The following WHRN variants were observed in gnomAD, a reference collection of about 807,000 sequenced individuals.
The protein encoded by WHRN is whirlin.
WHRN carries 41 observed loss-of-function variants against 68.3 expected under a neutral mutation model. That is an observed-to-expected ratio of 0.60 (90% CI 0.47 to 0.78). The LOEUF (loss-of-function observed/expected upper bound fraction) is 0.78. Among genes scored for constraint, WHRN ranks in the 30% least tolerant of loss-of-function variants. WHRN has a pLI of 0.00. For synonymous variants in WHRN, 560 were observed against 561.3 expected, an observed-to-expected ratio of 1.00 and a Z score of 0.03; for missense variants, 1,243 against 1,244.7, an observed-to-expected ratio of 1.00 and a Z score of 0.02.
At chr9:114,486,665 C>G (rs1451111753) in intron 1 of WHRN, among the ~76,000 whole-genome samples, 1 of 151,896 alleles carries the variant, frequency 6.6e-6, no homozygotes, top group Non-Finnish European at 1.5e-5. Context: ...ACATTAGATA[C>G]ACATGGAATT....
At chr9:114,456,443 T>A (rs1260752352) in intron 3 of WHRN, among the ~76,000 whole-genome samples, 3 of 152,164 alleles carry the variant, frequency 2.0e-5, no homozygotes, top group Admixed American at 6.5e-5. Context: ...CTGGGAAACA[T>A]TGGTTCAACC....
chr9:114,494,927 TG>T (rs35517002), intron 1 of WHRN, among the ~76,000 whole-genome samples: 58,795 of 150,738 alleles, frequency 0.39, 11,509 homozygotes, highest in Non-Finnish European at 0.42. Context: ...GCCATGACAC[TG>T]GGGGGGGGAG....
At chr9:114,493,039 C>T (rs1442276231) in intron 1 of WHRN, among the ~76,000 whole-genome samples, 1 of 151,742 alleles carries the variant, frequency 6.6e-6, no homozygotes, top group East Asian at 1.9e-4. Context: ...ACAATTAAGT[C>T]CATATATGTT....
At chr9:114,407,708 A>G (rs1835138319) in intron 8 of WHRN, among the ~76,000 whole-genome samples, 1 of 150,460 alleles carries the variant, frequency 6.6e-6, no homozygotes, top group African/African-American at 2.4e-5. Context: ...TACTGTGGCC[A>G]GCCAGCCTGA....
At chr9:114,438,973 C>T (rs969214561) in intron 3 of WHRN, among the ~76,000 whole-genome samples, 1 of 152,022 alleles carries the variant, frequency 6.6e-6, no homozygotes, top group Admixed American at 6.5e-5. Flanking sequence ...TGTGCACTGA[C>T]ATAACAGGAT....
chr9:114,405,694 G>C (rs1834976371), intron 9 of WHRN, among the ~76,000 whole-genome samples: 1 of 152,216 alleles, frequency 6.6e-6, no homozygotes, highest in South Asian at 2.1e-4. Flanking sequence ...TTGCATCTTG[G>C]TCTGTGCAGG....
At chr9:114,412,327 G>C (rs111992853) in intron 7 of WHRN, among the ~76,000 whole-genome samples, 1 of 152,158 alleles carries the variant, frequency 6.6e-6, no homozygotes, top group African/African-American at 2.4e-5. Flanking sequence ...TGCAGGAGCT[G>C]GGCCTGTTCA....
chr9:114,499,731 C>T (rs1264445522), intron 1 of WHRN, among the ~76,000 whole-genome samples: 2 of 152,354 alleles, frequency 1.3e-5, no homozygotes, highest in East Asian at 1.9e-4. Context: ...ACCGCTGGTG[C>T]GGCTGCCGGC....
intron 3 of WHRN, among the ~76,000 whole-genome samples, chr9:114,434,428 TC>T (rs59832735): frequency 0.016 from 2,452 of 152,124 alleles, 31 homozygotes; most frequent in Middle Eastern, 0.051. Flanking sequence ...AAAAATTCAC[TC>T]CCCCAGTCAC....
intron 3 of WHRN, among the ~76,000 whole-genome samples, chr9:114,455,516 GCC>G (rs1839705389): frequency 1.3e-5 from 2 of 152,024 alleles, no homozygotes; most frequent in Non-Finnish European, 2.9e-5. Flanking sequence ...TTCAAGACCA[GCC>G]TGGGCAACAT....
chr9:114,432,414 T>C (rs1425335599), intron 3 of WHRN, among the ~76,000 whole-genome samples: 1 of 152,202 alleles, frequency 6.6e-6, no homozygotes, highest in African/African-American at 2.4e-5. Flanking sequence ...CCAAGAGACC[T>C]GAGGAAAATA....
At chr9:114,449,119 C>A (rs763908135) in intron 3 of WHRN, among the ~76,000 whole-genome samples, 1 of 152,208 alleles carries the variant, frequency 6.6e-6, no homozygotes, top group African/African-American at 2.4e-5. Flanking sequence ...AATCATTTCC[C>A]TTATGAAAGA....
At chr9:114,465,787 C>A (rs911423929) in intron 3 of WHRN, among the ~76,000 whole-genome samples, 5 of 152,170 alleles carry the variant, frequency 3.3e-5, no homozygotes, top group African/African-American at 1.2e-4. Flanking sequence ...AATACCCTAC[C>A]CCTCAGGGTC....
At chr9:114,478,881 A>G (rs1841880441) in intron 1 of WHRN, 110 bp from the exon 2 acceptor site, 3 of 1,031,398 alleles carry the variant, frequency 2.9e-6, no homozygotes, top group Non-Finnish European at 2.9e-6. Context: ...ACATGGAAGA[A>G]GAGGCCAGCC....
At chr9:114,442,610 T>TTGGTGCCCTCCTCAC (rs1838470167) in intron 3 of WHRN, among the ~76,000 whole-genome samples, 1 of 152,174 alleles carries the variant, frequency 6.6e-6, no homozygotes, top group African/African-American at 2.4e-5. Flanking sequence ...GGATCCCTCA[T>TTGGTGCCCTCCTCAC]AAACGGCTTG....
intron 1 of WHRN, among the ~76,000 whole-genome samples, chr9:114,500,387 G>T (rs997651849): frequency 6.6e-6 from 1 of 152,184 alleles, no homozygotes; most frequent in Non-Finnish European, 1.5e-5. Flanking sequence ...TGCACAATGG[G>T]AAAAGGACAA....
At chr9:114,486,814 CAAAAAAAAAA>C (rs59992011) in intron 1 of WHRN, among the ~76,000 whole-genome samples, 972 of 71,202 alleles carry the variant, frequency 0.014, 12 homozygotes, top group Non-Finnish European at 0.018. Context: ...GCTTCCCAGG[CAAAAAAAAAA>C]AAAAAAAAAG....
chr9:114,467,997 T>C (rs1414012445), intron 2 of WHRN, among the ~76,000 whole-genome samples: 5 of 152,198 alleles, frequency 3.3e-5, no homozygotes, highest in Admixed American at 2.6e-4. Flanking sequence ...AAGTGTTCTG[T>C]GCCCTTTAAA....
chr9:114,433,667 C>G (rs1564148867), intron 3 of WHRN, among the ~76,000 whole-genome samples: 1 of 151,958 alleles, frequency 6.6e-6, no homozygotes, highest in Non-Finnish European at 1.5e-5. Context: ...GTTCAAAAGT[C>G]AGTAAAGCTT....
Sources: allele counts gnomAD v4.1 joint callset (sites outside exome capture counted in the v4.1 genomes callset), GRCh38; gene constraint gnomAD v4.1.1; transcripts MANE v1.5; gene names NCBI Gene and HGNC (gene_info 2026-07-23, HGNC 2026-07-21).